The following FNDC3B variants were observed in gnomAD, a reference collection of about 807,000 sequenced individuals.
FNDC3B encodes fibronectin type III domain-containing protein 3B.
A neutral mutation model predicts 151.5 loss-of-function variants in FNDC3B; 12 were observed. The ratio of observed to expected loss-of-function variants is 0.08; its 90% CI spans 0.05 to 0.13. The LOEUF (loss-of-function observed/expected upper bound fraction) is 0.13. Ranked by LOEUF, FNDC3B falls within the 10% of genes least tolerant of loss-of-function variation. FNDC3B has a pLI of 1.00. For synonymous variants in FNDC3B, 528 were observed against 549.0 expected (o/e 0.96, Z 0.54); for missense variants, 1,214 against 1,505.3 (o/e 0.81, Z 3.20).
At chr3:172,276,377 G>C (rs1729433746) in intron 6 of FNDC3B, among the ~76,000 whole-genome samples, 1 of 152,188 alleles carries the variant, frequency 6.6e-6, no homozygotes, top group African/African-American at 2.4e-5. Context: ...AATAATGATG[G>C]TGGTGGAGTG....
chr3:172,320,206 C>T (rs1439118571), intron 11 of FNDC3B, among the ~76,000 whole-genome samples: 1 of 151,918 alleles, frequency 6.6e-6, no homozygotes, highest in Admixed American at 6.6e-5. Context: ...ATGGTGAAAC[C>T]CTGTCTCTAC....
At chr3:172,204,976 A>G (rs761834237) in intron 3 of FNDC3B, among the ~76,000 whole-genome samples, 20 of 152,188 alleles carry the variant, frequency 1.3e-4, no homozygotes, top group Non-Finnish European at 2.4e-4. Flanking sequence ...TTCACTCGGC[A>G]TTGTAGTGGA....
chr3:172,153,709 T>C (rs1412828139), intron 3 of FNDC3B, among the ~76,000 whole-genome samples: 1 of 152,194 alleles, frequency 6.6e-6, no homozygotes, highest in Admixed American at 6.5e-5. Context: ...AGTGATTTGT[T>C]TGGCCCTAGG....
intron 1 of FNDC3B, among the ~76,000 whole-genome samples, chr3:172,076,108 G>C (rs955977832): frequency 3.9e-5 from 6 of 152,116 alleles, no homozygotes; most frequent in African/African-American, 1.4e-4. Flanking sequence ...CTGGTCGGTT[G>C]TTCCTGGATA....
At chr3:172,185,284 C>A (rs979142670) in intron 3 of FNDC3B, among the ~76,000 whole-genome samples, 1 of 152,198 alleles carries the variant, frequency 6.6e-6, no homozygotes, top group Admixed American at 6.5e-5. Flanking sequence ...TAAAAAACAT[C>A]GTGACCCCTT....
intron 25 of FNDC3B, among the ~76,000 whole-genome samples, chr3:172,384,854 G>T (rs1334050652): frequency 6.6e-6 from 1 of 152,194 alleles, no homozygotes; most frequent in Non-Finnish European, 1.5e-5. Flanking sequence ...ATAATCATAT[G>T]TATGCCACAG....
rs575726940 is a variant in FNDC3B, at chr3:172,124,816, G to A, written c.112-8655G>A. ...CTCTTTCTTCCTGCCGAGGTGGAGG[G>A]AAGGATTAGTGACTATTGGGGAGGG... On this transcript the variant is annotated intron_variant, in intron 2 of 25. Transcript: ENST00000415807. Among the ~76,000 whole-genome samples the A allele has an allele frequency of 1.9e-4, 29 of 152,352 alleles. No individual in the cohort carries two copies. The South Asian group carries it at 5.8e-3, about 30-fold the overall frequency.
chr3:172,379,731 G>C (rs1735341027), intron 24 of FNDC3B, among the ~76,000 whole-genome samples: 1 of 152,216 alleles, frequency 6.6e-6, no homozygotes, highest in Non-Finnish European at 1.5e-5. Context: ...TTAGTACCAA[G>C]GAAGGGTGGC....
At chr3:172,205,509 A>G (rs1271115353) in intron 3 of FNDC3B, among the ~76,000 whole-genome samples, 1 of 152,272 alleles carries the variant, frequency 6.6e-6, no homozygotes, top group Admixed American at 6.5e-5. Flanking sequence ...AGAAAGGTTT[A>G]CTAACATGCC....
At chr3:172,109,481 A>G (rs1384027061) in intron 1 of FNDC3B, among the ~76,000 whole-genome samples, 1 of 152,250 alleles carries the variant, frequency 6.6e-6, no homozygotes, top group Non-Finnish European at 1.5e-5. Flanking sequence ...CTTGGATTCT[A>G]GCAAGCTGGT....
rs10684671 is a variant in FNDC3B at position 172,177,626 on chromosome 3, C to CTTTTTTTTTTTTTTTTTTTTTTTTTT, written c.187+44101_187+44102insTTTTTTTTTTTTTTTTTTTTTTTTTT. 2.1e-4 allele frequency among the ~76,000 whole-genome samples: 18 copies of CTTTTTTTTTTTTTTTTTTTTTTTTTT among 84,840 alleles called. 2 individuals carry two copies. The highest frequency in any genetic ancestry group is 7.3e-4 in the African/African-American group (15 of 20,528). 55.7% of individuals were successfully genotyped at this position (84,840 alleles called of 152,430 possible). A position where few individuals can be genotyped will look rare whatever the true frequency, so the allele number is the denominator to read the frequency against. Reference sequence around the variant, plus strand: ...AGGAAGGAATCATTTTTACCACCATCTTTTTTTTTTTTTTTTTTTTTGCAC... The same window carrying CTTTTTTTTTTTTTTTTTTTTTTTTTT: ...AGGAAGGAATCATTTTTACCACCATCTTTTTTTTTTTTTTTTTTTTTTTTTTTTTTTTTTTTTTTTTTTTTTTGCAC... On this transcript the variant is annotated intron_variant, in intron 3 of 25. Coordinates refer to ENST00000415807, the MANE Select transcript of FNDC3B (RefSeq NM_022763.4).
At chr3:172,110,255 A>G (rs1411012102) in intron 1 of FNDC3B, among the ~76,000 whole-genome samples, 1 of 151,972 alleles carries the variant, frequency 6.6e-6, no homozygotes, top group Non-Finnish European at 1.5e-5. Context: ...ACTCAGTTCA[A>G]CCTCCCCATT....
intron 1 of FNDC3B, among the ~76,000 whole-genome samples, chr3:172,091,847 TACTC>T (rs1198262948): frequency 2.0e-5 from 3 of 148,298 alleles, no homozygotes; most frequent in Admixed American, 1.4e-4. Flanking sequence ...CTAGTAATAT[TACTC>T]ACAGTGCCCT....
At chr3:172,307,633 G>A in intron 10 of FNDC3B, 132 bp downstream of exon 10, 2 of 813,014 alleles carry the variant, frequency 2.5e-6, no homozygotes, top group African/African-American at 1.7e-5. Flanking sequence ...TTTCAAGGCT[G>A]CAGTGAGCCA....
chr3:172,072,625 C>A (rs1005634709), intron 1 of FNDC3B, among the ~76,000 whole-genome samples: 7 of 152,132 alleles, frequency 4.6e-5, no homozygotes, highest in African/African-American at 1.2e-4. Flanking sequence ...GATTTTCAGC[C>A]TTGTAGATGA....
At chr3:172,372,471 A>G (rs1309416019) in intron 23 of FNDC3B, among the ~76,000 whole-genome samples, 1 of 152,206 alleles carries the variant, frequency 6.6e-6, no homozygotes, top group Non-Finnish European at 1.5e-5. Flanking sequence ...CGCTATATAT[A>G]CATTATTCCT....
chr3:172,171,834 G>C (rs1036836704), intron 3 of FNDC3B, among the ~76,000 whole-genome samples: 1 of 151,726 alleles, frequency 6.6e-6, no homozygotes, highest in African/African-American at 2.4e-5. Context: ...CCTATAAACA[G>C]CAGATGTGTA....
intron 3 of FNDC3B, among the ~76,000 whole-genome samples, chr3:172,196,278 T>G (rs931814000): frequency 5.9e-5 from 9 of 152,016 alleles, no homozygotes; most frequent in African/African-American, 2.2e-4. Flanking sequence ...GCCTCGAACT[T>G]CCAGGTTCAA....
chr3:172,182,630 A>C (rs1052574401), intron 3 of FNDC3B, among the ~76,000 whole-genome samples: 55 of 152,204 alleles, frequency 3.6e-4, no homozygotes, highest in African/African-American at 1.3e-3. Flanking sequence ...TCAAGTCCAG[A>C]CTGCAAGAAC....
Sources: gnomAD v4.1 joint callset for allele counts (sites outside exome capture counted in the v4.1 genomes callset) on GRCh38, gnomAD v4.1.1 for gene constraint, MANE v1.5 for transcripts, NCBI Gene and HGNC (gene_info 2026-07-23, HGNC 2026-07-21) for gene names.